KCNJ6: variants seen among roughly 807,000 people sequenced by gnomAD.
KCNJ6 encodes potassium inwardly rectifying channel subfamily J member 6.
In KCNJ6, 9 loss-of-function variants were observed where a neutral mutation model predicts 34.2. The observed-to-expected ratio is 0.26, with a 90% CI of 0.16 to 0.46. The LOEUF is 0.46. KCNJ6 is among the 20% of genes least tolerant of loss of function. KCNJ6 has a pLI of 1.00. For synonymous variants in KCNJ6, 196 were observed against 207.1 expected, an observed-to-expected ratio of 0.95 and a Z score of 0.46; for missense variants, 236 against 531.3, an observed-to-expected ratio of 0.44 and a Z score of 5.46.
At chr21:37,792,625 C>T (rs916702548) in intron 2 of KCNJ6, among the ~76,000 whole-genome samples, 1 of 152,142 alleles carries the variant, frequency 6.6e-6, no homozygotes, top group African/African-American at 2.4e-5. Flanking sequence ...TCATCCACTC[C>T]TCATAGTAGG....
At chr21:37,891,480 T>C (rs951831733) in intron 1 of KCNJ6, among the ~76,000 whole-genome samples, 95 of 152,208 alleles carry the variant, frequency 6.2e-4, no homozygotes, top group African/African-American at 1.7e-3. Flanking sequence ...TGGTTCCGAC[T>C]AGCTAGAAAA....
intron 1 of KCNJ6, among the ~76,000 whole-genome samples, chr21:37,877,547 T>C (rs968338606): frequency 6.6e-5 from 10 of 152,224 alleles, no homozygotes; most frequent in Non-Finnish European, 1.5e-4. Context: ...AATATTCTGT[T>C]AATGCATCAA....
chr21:37,852,346 TAG>T (rs1255808059), intron 1 of KCNJ6, among the ~76,000 whole-genome samples: 1 of 152,176 alleles, frequency 6.6e-6, no homozygotes, highest in South Asian at 2.1e-4. Context: ...AGGGCCAGTA[TAG>T]AGTCAGGATA....
At chr21:37,767,895 T>C (rs1442263404) in intron 2 of KCNJ6, among the ~76,000 whole-genome samples, 1 of 152,232 alleles carries the variant, frequency 6.6e-6, no homozygotes, top group African/African-American at 2.4e-5. Context: ...TTAACTGTTG[T>C]TTGTATTTTA....
chr21:37,612,790 C>G lies in KCNJ6; in HGVS notation c.*12369G>C, dbSNP rs2123348914. The G allele has an allele frequency of 6.9e-6, 1 of 145,822 alleles. No homozygotes were observed. Among genetic ancestry groups the G allele is most frequent in the Admixed American group, 6.8e-5 (1 of 14,634 alleles). 9.0% of individuals were successfully genotyped at this position (145,822 alleles called of 1,614,324 possible). On this transcript the variant is annotated 3_prime_UTR_variant, in exon 4 of 4. Coordinates refer to ENST00000609713, the MANE Select transcript of KCNJ6 (RefSeq NM_002240.5). ...CAAACACTTTTCACAAAAATTAACT[C>G]AAAATCGGTCACAGATCTAATGTAA...
Position 37,611,348 on chromosome 21 carries a change from G to C in KCNJ6, c.*13811C>G, listed in dbSNP as rs1397135114. 11 of 152,128 alleles carry C rather than the reference G, an allele frequency of 7.2e-5. No individual in the cohort carries two copies. Among genetic ancestry groups the C allele is most frequent in the Admixed American group, 7.2e-4 (11 of 15,268 alleles). The allele number at this position is 152,128 out of a possible 1,614,324, so 9.4% of individuals were successfully genotyped here. A position where few individuals can be genotyped will look rare whatever the true frequency, so the allele number is the denominator to read the frequency against. ...CTCTGTTAAATAATTTGAATCAATGGTTAGTAACCTCCCCAACCAGAAAGC... is the reference window on the plus strand; with the variant it reads ...CTCTGTTAAATAATTTGAATCAATGCTTAGTAACCTCCCCAACCAGAAAGC... On this transcript the variant is annotated 3_prime_UTR_variant, in exon 4 of 4. Coordinates refer to ENST00000609713, the MANE Select transcript of KCNJ6 (RefSeq NM_002240.5).
At chr21:37,763,252 C>G (rs1192115231) in intron 2 of KCNJ6, among the ~76,000 whole-genome samples, 1 of 152,178 alleles carries the variant, frequency 6.6e-6, no homozygotes, top group Non-Finnish European at 1.5e-5. Flanking sequence ...TAGGGGGGGC[C>G]TGCAGACACC....
chr21:37,679,005 A>G (rs1486925237), intron 3 of KCNJ6, among the ~76,000 whole-genome samples: 1 of 152,128 alleles, frequency 6.6e-6, no homozygotes, highest in African/African-American at 2.4e-5. Flanking sequence ...CTAAGTCTAA[A>G]GGGTGCTGTG....
intron 2 of KCNJ6, among the ~76,000 whole-genome samples, chr21:37,808,403 G>A (rs2055304251): frequency 1.3e-5 from 2 of 152,220 alleles, no homozygotes; most frequent in South Asian, 4.1e-4. Context: ...AAAGTTAGAT[G>A]GCCTGTTGAA....
At chr21:37,682,937 T>C (rs946583671) in intron 3 of KCNJ6, among the ~76,000 whole-genome samples, 4 of 152,146 alleles carry the variant, frequency 2.6e-5, no homozygotes, top group East Asian at 1.9e-4. Flanking sequence ...ACAGGGCTGC[T>C]TCAGGGAGCA....
intron 3 of KCNJ6, among the ~76,000 whole-genome samples, chr21:37,683,868 C>T (rs1944884065): frequency 6.6e-6 from 1 of 152,148 alleles, no homozygotes; most frequent in Non-Finnish European, 1.5e-5. Flanking sequence ...GGTGAGCTGG[C>T]TTCTCGTCAT....
At chr21:37,792,670 C>T (rs2055222399) in intron 2 of KCNJ6, among the ~76,000 whole-genome samples, 1 of 152,070 alleles carries the variant, frequency 6.6e-6, no homozygotes. Flanking sequence ...GAATAAGGAG[C>T]GGGAGTCTCA....
At chr21:37,850,945 G>A (rs1473965606) in intron 1 of KCNJ6, among the ~76,000 whole-genome samples, 1 of 152,186 alleles carries the variant, frequency 6.6e-6, no homozygotes, top group Non-Finnish European at 1.5e-5. Flanking sequence ...TGGCTGGGTT[G>A]CAGTGAAGAG....
chr21:37,675,800 C>A lies in KCNJ6; in HGVS notation c.946+38411G>T, dbSNP rs1260110112. On this transcript the variant is annotated intron_variant, in intron 3 of 3. Coordinates refer to ENST00000609713, the MANE Select transcript of KCNJ6 (RefSeq NM_002240.5). This position sits in a 1 kb window ranked among gnomAD's most constrained non-coding sequence, Gnocchi z 4.2. ...AGTCCATCACTGTTACATTGACTCC[C>A]AAATTCCTATGCTAGAGTTACCTTA... 1.3e-5 allele frequency among the ~76,000 whole-genome samples: 2 copies of A among 150,910 alleles called. No individual in the cohort carries two copies. The highest frequency in any genetic ancestry group is 6.6e-5 in the Admixed American group (1 of 15,186).
Position 37,899,241 on chromosome 21 carries a change from A to T in KCNJ6, c.-28+16643T>A, listed in dbSNP as rs188285132. On this transcript the variant is annotated intron_variant, in intron 1 of 3. Coordinates refer to ENST00000609713, the MANE Select transcript of KCNJ6 (RefSeq NM_002240.5). The stretch of plus-strand genomic sequence containing the variant: ...GAAGAGATTTTTGTCTTTTGTGTAT[A>T]ATCTCGGTAGAAATCATGACATCGC... Among the ~76,000 whole-genome samples the T allele has an allele frequency of 6.0e-4, 92 of 152,302 alleles. 1 individual carries two copies. In the South Asian group the frequency reaches 0.012, roughly 20 times the overall value.
At chr21:37,633,487 G>A (rs963524949) in intron 3 of KCNJ6, among the ~76,000 whole-genome samples, 6 of 62,680 alleles carry the variant, frequency 9.6e-5, no homozygotes, top group Non-Finnish European at 1.8e-4. Context: ...GTAAAAATAA[G>A]ATAAATACAA....
At position 37,610,042 on chromosome 21, in the gene KCNJ6, G is replaced by A. The variant is rs2054237437; in HGVS notation, c.*15117C>T. The A allele has an allele frequency of 1.3e-5, 2 of 152,244 alleles. No individual in the cohort carries two copies. The highest frequency in any genetic ancestry group is 6.5e-5 in the Admixed American group (1 of 15,282). The allele number at this position is 152,244 out of a possible 1,614,324, so 9.4% of individuals were successfully genotyped here. On this transcript the variant is annotated 3_prime_UTR_variant, in exon 4 of 4. Coordinates refer to ENST00000609713, the MANE Select transcript of KCNJ6 (RefSeq NM_002240.5). Reference sequence around the variant, plus strand: ...CAGGGGAGCAGGACGTGGTCGGTGGGTGCTGTTGGAGACAAGTGTGTGGCT... The same window carrying A: ...CAGGGGAGCAGGACGTGGTCGGTGGATGCTGTTGGAGACAAGTGTGTGGCT...
At chr21:37,840,794 C>T in intron 1 of KCNJ6, 85 bp from the exon 2 acceptor site, 2 of 709,582 alleles carry the variant, frequency 2.8e-6, no homozygotes, top group Non-Finnish European at 2.4e-6. Flanking sequence ...CTATATCTCT[C>T]TTCCTTCTTT....
In KCNJ6 at chr21:37,819,246, GAA is replaced by G. The variant is rs11300688; in HGVS notation, c.25+21410_25+21411del. On this transcript the variant is annotated intron_variant, in intron 2 of 3. Coordinates refer to ENST00000609713, the MANE Select transcript of KCNJ6 (RefSeq NM_002240.5). ...AACTGTTTTGCCTGAAATGCTCTGGGAAAAAAAAAAATGTAGGATCAGATCAT... is the reference window on the plus strand; with the variant it reads ...AACTGTTTTGCCTGAAATGCTCTGGGAAAAAAAAATGTAGGATCAGATCAT... Among the ~76,000 whole-genome samples, 18 of 148,870 alleles carry G rather than the reference GAA, an allele frequency of 1.2e-4. No individual in the cohort carries two copies. In the South Asian group the frequency reaches 1.3e-3, roughly 11 times the overall value.
Sources: allele counts gnomAD v4.1 joint callset (sites outside exome capture counted in the v4.1 genomes callset), GRCh38; gene constraint gnomAD v4.1.1; non-coding constraint Gnocchi (gnomAD v3.1); transcripts MANE v1.5; gene names NCBI Gene and HGNC (gene_info 2026-07-23, HGNC 2026-07-21).